The following UBE2D2 variants were observed in gnomAD, a reference collection of about 807,000 sequenced individuals.
UBE2D2 encodes the protein ubiquitin-conjugating enzyme E2 D2.
UBE2D2 carries 2 observed loss-of-function variants against 24.2 expected under a neutral mutation model. The ratio of observed to expected loss-of-function variants is 0.08; its 90% CI spans 0.03 to 0.26. The LOEUF is 0.26. UBE2D2 is among the 10% of genes least tolerant of loss of function. The pLI is 1.00. For synonymous variants in UBE2D2, 58 were observed against 56.5 expected (o/e 1.03, Z -0.12); for missense variants, 44 against 177.6 (o/e 0.25, Z 4.28).
At chr5:139,552,492 T>G (rs1310785527) in intron 1 of UBE2D2, among the ~76,000 whole-genome samples, 1 of 142,114 alleles carries the variant, frequency 7.0e-6, no homozygotes, top group Non-Finnish European at 1.5e-5. Flanking sequence ...TCTTTTTTTG[T>G]TTCTTTTTTC....
chr5:139,550,412 G>A (rs1278436133), intron 1 of UBE2D2, among the ~76,000 whole-genome samples: 1 of 152,138 alleles, frequency 6.6e-6, no homozygotes, highest in South Asian at 2.1e-4. Flanking sequence ...CCAATCAGCT[G>A]TCTGTAAAAT....
chr5:139,572,502 A>C (rs1452570427), intron 1 of UBE2D2, among the ~76,000 whole-genome samples: 1 of 152,092 alleles, frequency 6.6e-6, no homozygotes, highest in Non-Finnish European at 1.5e-5. Flanking sequence ...AGGCCAAGAC[A>C]GGAGGATCGC....
At chr5:139,605,418 C>T (rs1754176394) in intron 2 of UBE2D2, among the ~76,000 whole-genome samples, 1 of 151,640 alleles carries the variant, frequency 6.6e-6, no homozygotes, top group Admixed American at 6.6e-5. Flanking sequence ...TGGTGAAACC[C>T]CGTCTCTACT....
chr5:139,570,306 A>G (rs1010269617), intron 1 of UBE2D2, among the ~76,000 whole-genome samples: 4 of 151,980 alleles, frequency 2.6e-5, no homozygotes, highest in Non-Finnish European at 5.9e-5. Context: ...AACTATTGCA[A>G]ATTTGGTGTT....
At chr5:139,558,123 G>A (rs1294446471), upstream of UBE2D2, among the ~76,000 whole-genome samples, 3 of 151,996 alleles carry the variant, frequency 2.0e-5, no homozygotes, top group African/African-American at 7.2e-5. Flanking sequence ...CTATAGGATA[G>A]CTAGGATATT....
intron 2 of UBE2D2, among the ~76,000 whole-genome samples, chr5:139,604,679 GT>G (rs1298432029): frequency 3.3e-5 from 5 of 152,022 alleles, no homozygotes; most frequent in African/African-American, 4.8e-5. Flanking sequence ...GAGGCCAGGA[GT>G]TTTATGCCAG....
chr5:139,533,218 T>A (rs1302976182), intron 1 of UBE2D2, among the ~76,000 whole-genome samples: 1 of 151,920 alleles, frequency 6.6e-6, no homozygotes, highest in African/African-American at 2.4e-5. Context: ...GGAGTCTCAC[T>A]CTGTCCCCCA....
intron 1 of UBE2D2, chr5:139,562,527 C>T (rs548743398): frequency 3.7e-6 from 4 of 1,072,240 alleles, no homozygotes; most frequent in East Asian, 6.0e-5. Flanking sequence ...AAAAGCTGTA[C>T]ATTGGCAAAG....
chr5:139,622,348 G>A (rs568028998), intron 5 of UBE2D2, among the ~76,000 whole-genome samples: 4 of 151,430 alleles, frequency 2.6e-5, no homozygotes, highest in Non-Finnish European at 4.4e-5. Context: ...AGGTTCAAGC[G>A]ATTCTCCAGC....
At position 139,627,585 on chromosome 5, in the gene UBE2D2, A is replaced by T. The variant is rs923015211; in HGVS notation, c.*784A>T. On this transcript the variant is annotated 3_prime_UTR_variant, in exon 7 of 7. Transcript: ENST00000398733. ...GGATGTAAGGGTGAAAATTCATTTG[A>T]TGGAAATACTTGTGTATATTTAAAG... is the stretch of plus-strand genomic sequence containing the variant. The T allele has an allele frequency of 6.6e-6, 1 of 152,666 alleles. No individual in the cohort carries two copies. Among genetic ancestry groups the T allele is most frequent in the Non-Finnish European group, 1.5e-5 (1 of 68,036 alleles). 9.5% of individuals were successfully genotyped at this position (152,666 alleles called of 1,614,324 possible).
At position 139,561,463 on chromosome 5, in the gene UBE2D2, C is replaced by T. The variant is rs1157560015; in HGVS notation, c.-329C>T. The T allele has an allele frequency of 1.9e-5, 6 of 317,530 alleles. No homozygotes were observed. Among genetic ancestry groups the T allele is most frequent in the Non-Finnish European group, 3.5e-5 (6 of 173,204 alleles). 19.7% of individuals were successfully genotyped at this position (317,530 alleles called of 1,614,324 possible). On this transcript the variant is annotated 5_prime_UTR_variant, in exon 1 of 7. Transcript: ENST00000398733. Reference sequence around the variant, plus strand: ...AGGCCGGCCGAGCCCGAGGCTTGGGCTTTTGCTTTCTGGCGGAGGGATCTG... The same window carrying T: ...AGGCCGGCCGAGCCCGAGGCTTGGGTTTTTGCTTTCTGGCGGAGGGATCTG...
intron 1 of UBE2D2, among the ~76,000 whole-genome samples, chr5:139,571,874 A>G (rs1374766832): frequency 6.7e-6 from 1 of 148,958 alleles, no homozygotes; most frequent in South Asian, 2.1e-4. Flanking sequence ...CATACTTCCA[A>G]TCTCTTCTCC....
chr5:139,605,591 CAAAAAAA>C (rs70988710), intron 2 of UBE2D2, among the ~76,000 whole-genome samples: 11 of 44,716 alleles, frequency 2.5e-4, no homozygotes, highest in South Asian at 1.9e-3. Context: ...GACTCTGTCT[CAAAAAAA>C]AAAAAAAAAA....
At chr5:139,609,766 T>TC (rs1239135591) in intron 2 of UBE2D2, among the ~76,000 whole-genome samples, 1 of 150,844 alleles carries the variant, frequency 6.6e-6, no homozygotes, top group Non-Finnish European at 1.5e-5. Context: ...TTTCTTTCTT[T>TC]TTTTGTTTTT....
At chr5:139,606,612 A>T (rs1025042613) in intron 2 of UBE2D2, among the ~76,000 whole-genome samples, 2 of 152,160 alleles carry the variant, frequency 1.3e-5, no homozygotes, top group African/African-American at 4.8e-5. Flanking sequence ...AGTGCTGGGA[A>T]CTTATTTTTG....
chr5:139,609,844 T>G (rs1480604359), intron 2 of UBE2D2, among the ~76,000 whole-genome samples: 6 of 151,338 alleles, frequency 4.0e-5, no homozygotes, highest in Non-Finnish European at 8.8e-5. Context: ...CGATCTCAGC[T>G]CACTGCAACC....
At chr5:139,613,750 C>T (rs1754370161) in intron 2 of UBE2D2, among the ~76,000 whole-genome samples, 1 of 152,042 alleles carries the variant, frequency 6.6e-6, no homozygotes, top group Admixed American at 6.6e-5. Flanking sequence ...TGAGTATTAT[C>T]TACCTTGACT....
At chr5:139,568,211 G>A (rs531612840) in intron 1 of UBE2D2, among the ~76,000 whole-genome samples, 3 of 152,096 alleles carry the variant, frequency 2.0e-5, no homozygotes, top group Admixed American at 1.3e-4. Flanking sequence ...AGGTGTGGTG[G>A]CACTCACCTG....
intron 6 of UBE2D2, among the ~76,000 whole-genome samples, chr5:139,624,816 T>TA (rs1404019422): frequency 1.3e-5 from 2 of 152,204 alleles, no homozygotes; most frequent in African/African-American, 4.8e-5. Flanking sequence ...GAGGCATAGA[T>TA]ACGTTTTTGT....
Sources: gnomAD v4.1 joint callset for allele counts (sites outside exome capture counted in the v4.1 genomes callset) on GRCh38, gnomAD v4.1.1 for gene constraint, MANE v1.5 for transcripts, NCBI Gene and HGNC (gene_info 2026-07-23, HGNC 2026-07-21) for gene names.